Variants in TSPAN15 observed in about 807,000 individuals in gnomAD.
TSPAN15 encodes tetraspanin-15.
In TSPAN15, 20 loss-of-function variants were observed where a neutral mutation model predicts 34.5. The observed-to-expected ratio is 0.58, with a 90% confidence interval of 0.41 to 0.84. TSPAN15 has a LOEUF of 0.84. TSPAN15 is among the 40% of genes least tolerant of loss of function. The pLI is 0.00. For missense variants in TSPAN15, 313 were observed against 386.1 expected (o/e 0.81, Z 1.59); for synonymous variants, 155 against 153.9 (o/e 1.01, Z -0.05).
intron 1 of TSPAN15, among the ~76,000 whole-genome samples, chr10:69,469,858 T>G (rs1841468857): frequency 6.6e-6 from 1 of 152,162 alleles, no homozygotes; most frequent in Admixed American, 6.5e-5. Flanking sequence ...CTCGTGGGCT[T>G]GAGCACATTA....
At chr10:69,459,125 A>AAAAAAAAAAAAC (rs1564597485) in intron 1 of TSPAN15, among the ~76,000 whole-genome samples, 1 of 63,192 alleles carries the variant, frequency 1.6e-5, no homozygotes, top group Non-Finnish European at 3.9e-5. Flanking sequence ...AAAAAAAAAA[A>AAAAAAAAAAAAC]CAACAACAAA....
chr10:69,478,165 A>G (rs111336425), intron 1 of TSPAN15, among the ~76,000 whole-genome samples: 3 of 134,876 alleles, frequency 2.2e-5, no homozygotes, highest in African/African-American at 1.2e-4. Context: ...TGTGCAGAGC[A>G]GGTGGCAGTG....
the TSPAN15 span, among the ~76,000 whole-genome samples, chr10:69,548,994 A>G: frequency 9.4e-6 from 1 of 105,902 alleles, no homozygotes; most frequent in African/African-American, 2.6e-5. Context: ...CAAGCTTTAA[A>G]AAGATTATAG....
chr10:69,514,359 T>G, the TSPAN15 span, among the ~76,000 whole-genome samples: 2 of 152,238 alleles, frequency 1.3e-5, no homozygotes, highest in African/African-American at 4.8e-5. Flanking sequence ...ATCAGAGTCA[T>G]GCTGGCTTCA....
At chr10:69,523,398 G>T in the TSPAN15 span, 3 of 582,992 alleles carry the variant, frequency 5.1e-6, no homozygotes, top group Non-Finnish European at 9.4e-6. Flanking sequence ...CCCAAGCCTG[G>T]TAGTAAAAGC....
downstream of TSPAN15, among the ~76,000 whole-genome samples, chr10:69,510,106 T>A (rs1842399966): frequency 6.6e-6 from 1 of 152,264 alleles, no homozygotes; most frequent in South Asian, 2.1e-4. Context: ...TTATTTCTAA[T>A]TATGTGAAGA....
rs952162827 is a variant in TSPAN15 at position 69,451,525 on chromosome 10, A to C, written c.-70A>C. 22 of 1,293,166 alleles carry C rather than the reference A, an allele frequency of 1.7e-5. No homozygotes were observed. The highest frequency in any genetic ancestry group is 2.2e-5 in the Non-Finnish European group (22 of 1,018,396). 80.1% of individuals were successfully genotyped at this position (1,293,166 alleles called of 1,614,324 possible). ...TAGCCCGGCAGCCGCAGGTGGGGCC[A>C]CGAGCGCTGGCTGAGGGACCGAGCC... On this transcript the variant is annotated 5_prime_UTR_variant, in exon 1 of 8. Transcript: ENST00000373290.
At chr10:69,459,451 A>T (rs1412695480) in intron 1 of TSPAN15, among the ~76,000 whole-genome samples, 1 of 152,158 alleles carries the variant, frequency 6.6e-6, no homozygotes, top group Non-Finnish European at 1.5e-5. Flanking sequence ...ACTTTCGATG[A>T]TGTGGTCAGG....
At chr10:69,479,121 A>G (rs1349411828) in intron 1 of TSPAN15, among the ~76,000 whole-genome samples, 1 of 152,220 alleles carries the variant, frequency 6.6e-6, no homozygotes, top group Non-Finnish European at 1.5e-5. Context: ...GAGCCTATAG[A>G]ACGTAATACA....
At chr10:69,503,607 G>A (rs1336667185) in intron 5 of TSPAN15, among the ~76,000 whole-genome samples, 2 of 152,136 alleles carry the variant, frequency 1.3e-5, no homozygotes, top group Admixed American at 6.5e-5. Flanking sequence ...CAGAGGGCAC[G>A]CTGGGGGCTC....
intron 1 of TSPAN15, among the ~76,000 whole-genome samples, chr10:69,478,777 G>A (rs142624816): frequency 1.9e-4 from 29 of 152,324 alleles, no homozygotes; most frequent in Non-Finnish European, 4.1e-4. Flanking sequence ...ATGTAATAAT[G>A]TGCAACTTTA....
chr10:69,474,055 A>G (rs538762304), intron 1 of TSPAN15, among the ~76,000 whole-genome samples: 56 of 152,274 alleles, frequency 3.7e-4, no homozygotes, highest in African/African-American at 1.2e-3. Flanking sequence ...GACAGTTTCT[A>G]TATGCCTGAT....
chr10:69,497,707 C>A (rs113754643), intron 4 of TSPAN15, among the ~76,000 whole-genome samples: 2 of 152,164 alleles, frequency 1.3e-5, no homozygotes, highest in Admixed American at 6.5e-5. Context: ...AGGCACATAC[C>A]AGCCATCAGG....
At chr10:69,539,046 C>T in the TSPAN15 span, among the ~76,000 whole-genome samples, 8 of 152,204 alleles carry the variant, frequency 5.3e-5, no homozygotes, top group South Asian at 1.0e-3. Flanking sequence ...AAATTTGGCT[C>T]ATAGAGGTCC....
chr10:69,524,580 T>C, the TSPAN15 span, among the ~76,000 whole-genome samples: 1 of 145,462 alleles, frequency 6.9e-6, no homozygotes, highest in Non-Finnish European at 1.5e-5. Flanking sequence ...TGCCAAACTA[T>C]GCAGCAGTTA....
intron 5 of TSPAN15, among the ~76,000 whole-genome samples, chr10:69,500,676 A>G (rs1160552580): frequency 1.3e-5 from 2 of 152,130 alleles, no homozygotes; most frequent in African/African-American, 4.8e-5. Flanking sequence ...GCCTTCCCTG[A>G]TCAGATGAGA....
chr10:69,498,348 T>G lies in TSPAN15; in HGVS notation c.522T>G (p.Pro174=). The change falls in exon 5 of 8, where the codon CCT becomes CCG. Residue 174 remains proline, a synonymous_variant. Coordinates refer to ENST00000373290, the MANE Select transcript of TSPAN15 (RefSeq NM_012339.5). ...ATCAGTACCACGACTGCAGTGCCCC[T>G]GGACCCCTGGCCTGTGGGGTGCCCT... The part of the protein sequence containing the change: ...SKNQYHDCSA[P]GPLACGVPYT... 1 of 1,613,944 alleles carries G rather than the reference T, an allele frequency of 6.2e-7. No individual in the cohort carries two copies. The highest frequency in any genetic ancestry group is 8.5e-7 in the Non-Finnish European group (1 of 1,179,982).
chr10:69,494,709 A>AC (rs1044651272), intron 3 of TSPAN15: 2 of 985,234 alleles, frequency 2.0e-6, no homozygotes, highest in Non-Finnish European at 2.4e-6. Flanking sequence ...CTGTGGTGCC[A>AC]CCCCCGGGAA....
rs1554832144 is a variant in TSPAN15, at chr10:69,471,551, T to TTCTTTCTC, written c.97-12137_97-12136insTTCTCTCT. On this transcript the variant is annotated intron_variant, in intron 1 of 7. Coordinates refer to ENST00000373290, the MANE Select transcript of TSPAN15 (RefSeq NM_012339.5). ...TATAAATCAATCTTTCTTTCTTTCT[T>TTCTTTCTC]TCTCTCTCACTCTCCCCTTCTCCCC... Among the ~76,000 whole-genome samples, 276 of 151,192 alleles carry TTCTTTCTC rather than the reference T, an allele frequency of 1.8e-3. 1 individual carries two copies. The highest frequency in any genetic ancestry group is 6.3e-3 in the African/African-American group (256 of 40,624).
Sources: gnomAD v4.1 joint callset for allele counts (sites outside exome capture counted in the v4.1 genomes callset) on GRCh38, gnomAD v4.1.1 for gene constraint, MANE v1.5 for transcripts, NCBI Gene and HGNC (gene_info 2026-07-23, HGNC 2026-07-21) for gene names.